Variants in FAM227B observed in about 807,000 individuals in gnomAD.
FAM227B encodes protein FAM227B.
A neutral mutation model predicts 73.8 loss-of-function variants in FAM227B; 88 were observed. The ratio of observed to expected loss-of-function variants is 1.19; its 90% CI spans 1.00 to 1.42. The LOEUF is 1.42. FAM227B is among the 40% of genes most tolerant of loss of function. The pLI is 0.00. For synonymous variants in FAM227B, 210 were observed against 190.5 expected, an observed-to-expected ratio of 1.10 and a Z score of -0.84; for missense variants, 632 against 590.9, an observed-to-expected ratio of 1.07 and a Z score of -0.72.
At chr15:49,348,693 A>G (rs1283373874) in intron 13 of FAM227B, among the ~76,000 whole-genome samples, 1 of 152,172 alleles carries the variant, frequency 6.6e-6, no homozygotes, top group Admixed American at 6.5e-5. Context: ...ACACAAAATT[A>G]TTATCTGATC....
chr15:49,476,092 C>G (rs2055238290), intron 11 of FAM227B, among the ~76,000 whole-genome samples: 2 of 152,060 alleles, frequency 1.3e-5, no homozygotes, highest in African/African-American at 4.8e-5. Context: ...ATGTTTCCAT[C>G]TTTTCTACCT....
intron 3 of FAM227B, among the ~76,000 whole-genome samples, chr15:49,591,991 A>G (rs9745299): frequency 0.031 from 4,699 of 152,212 alleles, 268 homozygotes; most frequent in African/African-American, 0.11. Context: ...GCACGTCATG[A>G]AGTTCTCATG....
intron 13 of FAM227B, among the ~76,000 whole-genome samples, chr15:49,339,112 C>G (rs568719735): frequency 6.6e-6 from 1 of 152,174 alleles, no homozygotes; most frequent in East Asian, 1.9e-4. Context: ...TATTACCCAC[C>G]TTCTGAAGCC....
intron 11 of FAM227B, among the ~76,000 whole-genome samples, chr15:49,506,214 T>C (rs965105300): frequency 2.0e-5 from 3 of 152,020 alleles, no homozygotes; most frequent in Non-Finnish European, 4.4e-5. Flanking sequence ...AATAAAGATA[T>C]AGAACTAGGG....
intron 5 of FAM227B, among the ~76,000 whole-genome samples, chr15:49,579,732 A>T (rs530955651): frequency 6.6e-6 from 1 of 152,316 alleles, no homozygotes; most frequent in Non-Finnish European, 1.5e-5. Context: ...GTTTGATAGC[A>T]TAGTAGGGCA....
chr15:49,430,227 A>G (rs1242057336), intron 11 of FAM227B, among the ~76,000 whole-genome samples: 1 of 151,936 alleles, frequency 6.6e-6, no homozygotes, highest in Non-Finnish European at 1.5e-5. Context: ...GCAGGGAAGA[A>G]TAGGTTCTGT....
At chr15:49,357,782 A>C (rs1311072603) in intron 13 of FAM227B, among the ~76,000 whole-genome samples, 7 of 152,018 alleles carry the variant, frequency 4.6e-5, no homozygotes, top group African/African-American at 1.5e-4. Context: ...GAGACACAAC[A>C]AAAAAAGAGA....
chr15:49,466,657 G>T (rs1366385910), intron 11 of FAM227B, among the ~76,000 whole-genome samples: 1 of 152,116 alleles, frequency 6.6e-6, no homozygotes. Flanking sequence ...TATAATAATA[G>T]TTGAGGCACA....
At chr15:49,395,547 A>G (rs1463773240) in intron 11 of FAM227B, among the ~76,000 whole-genome samples, 1 of 152,222 alleles carries the variant, frequency 6.6e-6, no homozygotes, top group African/African-American at 2.4e-5. Flanking sequence ...GTACATTACT[A>G]TGGAAGAGAT....
Position 49,585,667 on chromosome 15 carries a change from G to T in FAM227B, c.405+2349C>A, listed in dbSNP as rs10163065. Among the ~76,000 whole-genome samples the T allele has an allele frequency of 2.2e-3, 334 of 151,560 alleles. 2 individuals carry two copies. The highest frequency in any genetic ancestry group is 7.7e-3 in the African/African-American group (320 of 41,346). On this transcript the variant is annotated intron_variant, in intron 5 of 15. Transcript: ENST00000299338. ...TGAGAACACATGGACACAGGAAGGG[G>T]AACATCACACACCGGGGACTGTTGT...
At position 49,327,387 on chromosome 15, in the gene FAM227B, C is replaced by A. The variant is rs8031414; in HGVS notation, c.*1181G>T. The A allele has an allele frequency of 0.93, 141,623 of 152,280 alleles. 65,934 individuals are homozygous for A. The highest frequency in any genetic ancestry group is 0.96 in the Middle Eastern group (281 of 294). 9.4% of individuals were successfully genotyped at this position (152,280 alleles called of 1,614,324 possible). A position where few individuals can be genotyped will look rare whatever the true frequency, so the allele number is the denominator to read the frequency against. On this transcript the variant is annotated 3_prime_UTR_variant, in exon 16 of 16. Transcript: ENST00000299338. ...CGACCCAACCTGGAGTTTAATAACA[C>A]GCTTTTTGTTGATAAGTTTATTCAG...
rs115705776 is a variant in FAM227B, at chr15:49,471,200, G to A, written c.1012+37011C>T. On this transcript the variant is annotated intron_variant, in intron 11 of 15. Transcript: ENST00000299338. ...AACCATCATTAAGAATATGGCAAAT[G>A]TGAGGCCGGATACAGTGACTCGTGC... 2.0e-3 allele frequency among the ~76,000 whole-genome samples: 311 copies of A among 152,154 alleles called. 2 individuals are homozygous for A. The highest frequency in any genetic ancestry group is 7.1e-3 in the African/African-American group (295 of 41,520).
chr15:49,360,266 A>G (rs1325149752), intron 13 of FAM227B, among the ~76,000 whole-genome samples: 2 of 151,776 alleles, frequency 1.3e-5, no homozygotes, highest in Admixed American at 6.6e-5. Context: ...CTGTGTATGC[A>G]TGTGTGATAG....
intron 11 of FAM227B, 39 bp from the exon 12 acceptor site, chr15:49,371,438 T>C (rs762286932): frequency 7.7e-7 from 1 of 1,290,906 alleles, no homozygotes; most frequent in Non-Finnish European, 1.1e-6. Context: ...AATTCTGGTA[T>C]TTTTTTCCTT....
intron 3 of FAM227B, among the ~76,000 whole-genome samples, chr15:49,597,860 T>C (rs910117124): frequency 6.6e-6 from 1 of 151,666 alleles, no homozygotes; most frequent in African/African-American, 2.4e-5. Flanking sequence ...ACACATAAAC[T>C]AGAAAACCTA....
At chr15:49,362,079 T>G (rs1018070400) in intron 13 of FAM227B, among the ~76,000 whole-genome samples, 6 of 152,152 alleles carry the variant, frequency 3.9e-5, no homozygotes, top group African/African-American at 1.4e-4. Context: ...TTTTGCCCAC[T>G]TCTTAATGGG....
chr15:49,499,623 A>T (rs539670109), intron 11 of FAM227B, among the ~76,000 whole-genome samples: 46 of 152,336 alleles, frequency 3.0e-4, no homozygotes, highest in Admixed American at 6.5e-4. Context: ...AACTTGGAGG[A>T]CTTATAGTAC....
intron 11 of FAM227B, among the ~76,000 whole-genome samples, chr15:49,465,178 AGAGTG>A (rs1268240981): frequency 6.6e-6 from 1 of 152,048 alleles, no homozygotes; most frequent in Non-Finnish European, 1.5e-5. Flanking sequence ...TGCTCAGGCT[AGAGTG>A]CAGTAACACG....
chr15:49,467,926 A>T (rs772826480), intron 11 of FAM227B, among the ~76,000 whole-genome samples: 14 of 152,178 alleles, frequency 9.2e-5, no homozygotes, highest in Non-Finnish European at 1.8e-4. Flanking sequence ...TTCCCATGAC[A>T]TTCTTCAGTA....
Sources: gnomAD v4.1 joint callset for allele counts (sites outside exome capture counted in the v4.1 genomes callset) on GRCh38, gnomAD v4.1.1 for gene constraint, MANE v1.5 for transcripts, NCBI Gene and HGNC (gene_info 2026-07-23, HGNC 2026-07-21) for gene names.